The following ZC4H2 variants were observed in gnomAD, a reference collection of about 807,000 sequenced individuals.
ZC4H2 encodes the protein zinc finger C4H2 domain-containing protein.
For missense variants in ZC4H2, 137 were observed against 173.9 expected (o/e 0.79, Z 1.19); for synonymous variants, 84 against 66.3 (o/e 1.27, Z -1.30).
intron 1 of ZC4H2, among the ~76,000 whole-genome samples, chrX:64,955,438 C>T (rs1931116668): frequency 9.0e-6 from 1 of 111,473 alleles, no homozygotes; most frequent in Non-Finnish European, 1.9e-5. Context: ...ATTGGATCTT[C>T]TGAGAACATC....
chrX:64,919,111 C>T lies in ZC4H2; in HGVS notation c.492G>A (p.Gln164=), dbSNP rs775718535. The T allele has an allele frequency of 2.8e-5, 34 of 1,201,945 alleles. No individual in the cohort carries two copies. Among genetic ancestry groups the T allele is most frequent in the Non-Finnish European group, 3.6e-5 (32 of 890,422 alleles). The part of the protein sequence containing the change: ...SLAAAAAAAQ[Q]LQVARKQDTR... ...TATCCTGCTTCCTAGCCACTTGGAG[C>T]TGTTGGGCGGCAGCGGCTGCAGCGG... The change falls in exon 4 of 5, where the codon CAG becomes CAA. Residue 164 remains glutamine, a synonymous_variant. Coordinates refer to ENST00000374839, the MANE Select transcript of ZC4H2 (RefSeq NM_018684.4).
intron 1 of ZC4H2, among the ~76,000 whole-genome samples, chrX:64,936,612 C>T (rs1305899462): frequency 9.0e-6 from 1 of 111,249 alleles, no homozygotes; most frequent in Admixed American, 9.5e-5. Context: ...GAGTGGGGGC[C>T]AGTATTCAAC....
rs1928980191 is a variant in ZC4H2, at chrX:64,917,380, G to C, written c.*403C>G. The C allele has an allele frequency of 7.9e-6, 1 of 126,623 alleles. No individual in the cohort carries two copies. Among genetic ancestry groups the C allele is most frequent in the Non-Finnish European group, 1.6e-5 (1 of 62,727 alleles). 10.4% of individuals were successfully genotyped at this position (126,623 alleles called of 1,213,427 possible). On this transcript the variant is annotated 3_prime_UTR_variant, in exon 5 of 5. Coordinates refer to ENST00000374839, the MANE Select transcript of ZC4H2 (RefSeq NM_018684.4). ...TGAGAACCTAAGGCAAAAGTACAAG[G>C]AGGGGAAATACTGGGTCCTTTACCT...
chrX:64,930,540 C>T (rs1347733022), intron 1 of ZC4H2, among the ~76,000 whole-genome samples: 1 of 111,442 alleles, frequency 9.0e-6, no homozygotes, highest in Non-Finnish European at 1.9e-5. Flanking sequence ...TGAGGTATGT[C>T]TCTTCTATGC....
chrX:65,016,452 T>C (rs918092376), intron 1 of ZC4H2, among the ~76,000 whole-genome samples: 1 of 112,270 alleles, frequency 8.9e-6, no homozygotes, highest in Non-Finnish European at 1.9e-5. Context: ...TGTAATAATA[T>C]AACAACTCTT....
intron 1 of ZC4H2, among the ~76,000 whole-genome samples, chrX:64,944,561 G>A (rs1424356773): frequency 9.0e-6 from 1 of 110,732 alleles, no homozygotes; most frequent in Non-Finnish European, 1.9e-5. Context: ...GTGTCTTAGG[G>A]TTGCTCTTCT....
At chrX:64,950,667 C>CA (rs1000672407) in intron 1 of ZC4H2, among the ~76,000 whole-genome samples, 1 of 110,915 alleles carries the variant, frequency 9.0e-6, no homozygotes, top group African/African-American at 3.3e-5. Context: ...ACTAGGATTG[C>CA]AATCCCCACC....
At chrX:65,026,213 C>T (rs185645472) in intron 1 of ZC4H2, among the ~76,000 whole-genome samples, 14 of 111,937 alleles carry the variant, frequency 1.3e-4, no homozygotes, top group African/African-American at 3.3e-4. Context: ...GAATGAAGGG[C>T]AGAGTAGAAA....
intron 1 of ZC4H2, 46 bp from the exon 2 acceptor site, chrX:64,922,034 A>G: frequency 8.4e-7 from 1 of 1,195,593 alleles, no homozygotes; most frequent in Non-Finnish European, 1.1e-6. Context: ...AAGAAGGGAG[A>G]AAATAGAAAT....
intron 1 of ZC4H2, among the ~76,000 whole-genome samples, chrX:64,968,469 T>G (rs1357504044): frequency 9.0e-6 from 1 of 111,715 alleles, no homozygotes; most frequent in Non-Finnish European, 1.9e-5. Context: ...TGGAATCTCT[T>G]GGCACCTTGG....
At chrX:64,938,739 C>T (rs148045698) in intron 1 of ZC4H2, among the ~76,000 whole-genome samples, 1 of 111,595 alleles carries the variant, frequency 9.0e-6, no homozygotes, top group Non-Finnish European at 1.9e-5. Flanking sequence ...ATTCAACACC[C>T]CTTTATGCTA....
intron 1 of ZC4H2, among the ~76,000 whole-genome samples, chrX:65,030,122 CTT>C (rs1250193347): frequency 1.8e-5 from 2 of 110,797 alleles, no homozygotes; most frequent in African/African-American, 6.6e-5. Context: ...TTTTATTTTT[CTT>C]TTTTATTTTT....
upstream of ZC4H2, among the ~76,000 whole-genome samples, chrX:64,978,914 GTCTC>G (rs761634348): frequency 2.0e-4 from 22 of 111,352 alleles, no homozygotes; most frequent in Non-Finnish European, 4.1e-4. Context: ...TAAATTTAAT[GTCTC>G]TCTCTTTTTC....
At chrX:65,010,598 G>C (rs1230516517) in intron 1 of ZC4H2, among the ~76,000 whole-genome samples, 1 of 111,725 alleles carries the variant, frequency 9.0e-6, no homozygotes, top group Non-Finnish European at 1.9e-5. Context: ...TTGTAAAAGA[G>C]CCACAAATTA....
intron 1 of ZC4H2, among the ~76,000 whole-genome samples, chrX:64,961,586 A>G (rs1017623779): frequency 9.0e-6 from 1 of 111,214 alleles, no homozygotes; most frequent in African/African-American, 3.3e-5. Flanking sequence ...ATGAAGAGAG[A>G]GCAGAAATAA....
At chrX:64,968,320 G>A (rs1371918300) in intron 1 of ZC4H2, among the ~76,000 whole-genome samples, 5 of 111,665 alleles carry the variant, frequency 4.5e-5, no homozygotes, top group South Asian at 3.7e-4. Context: ...AAAATCCAGC[G>A]TTGTAAATCT....
intron 1 of ZC4H2, among the ~76,000 whole-genome samples, chrX:65,019,694 T>C (rs1478134323): frequency 8.9e-6 from 1 of 111,976 alleles, no homozygotes; most frequent in African/African-American, 3.3e-5. Flanking sequence ...ATTTGACAAA[T>C]TGACAGAAGC....
At chrX:64,965,371 C>A in intron 1 of ZC4H2, 2 of 265,964 alleles carry the variant, frequency 7.5e-6, no homozygotes, top group Non-Finnish European at 1.4e-5. Context: ...AATAAACCCA[C>A]AGATGTAAGG....
At chrX:65,032,736 TC>T (rs1163265816) in intron 1 of ZC4H2, among the ~76,000 whole-genome samples, 4 of 90,706 alleles carry the variant, frequency 4.4e-5, no homozygotes, top group African/African-American at 1.7e-4. Context: ...CTTCTTTCTT[TC>T]CTTCCTTCCT....
Sources: allele counts gnomAD v4.1 joint callset (sites outside exome capture counted in the v4.1 genomes callset), GRCh38; gene constraint gnomAD v4.1.1; transcripts MANE v1.5; gene names NCBI Gene and HGNC (gene_info 2026-07-23, HGNC 2026-07-21).